The following KCNIP4 variants were observed in gnomAD, a reference collection of about 807,000 sequenced individuals.
KCNIP4 encodes the protein Kv channel-interacting protein 4.
A neutral mutation model predicts 34.0 loss-of-function variants in KCNIP4; 12 were observed. That is an observed-to-expected ratio of 0.35 (90% confidence interval 0.23 to 0.57). KCNIP4 has a LOEUF of 0.57. KCNIP4 is among the 20% of genes least tolerant of loss of function. The pLI is 0.83. For synonymous variants in KCNIP4, 124 were observed against 102.2 expected (o/e 1.21, Z -1.29); for missense variants, 238 against 311.7 (o/e 0.76, Z 1.78).
chr4:20,832,058 CT>C lies in KCNIP4; in HGVS notation c.288+18484del, dbSNP rs71655605. On this transcript the variant is annotated intron_variant, in intron 3 of 8. Coordinates refer to ENST00000382152, the MANE Select transcript of KCNIP4 (RefSeq NM_025221.6). ...TTTACTTATTTCAAATAGTTTGTTA[CT>C]TTTTTTTTCATGAAGAGCTCCATAT... is the stretch of plus-strand genomic sequence containing the variant. Among the ~76,000 whole-genome samples the C allele has an allele frequency of 1.3e-4, 19 of 151,480 alleles. No homozygotes were observed. The East Asian group carries it at 3.1e-3, about 25-fold the overall frequency.
intron 1 of KCNIP4, among the ~76,000 whole-genome samples, chr4:21,242,526 A>G (rs1475466791): frequency 1.3e-5 from 2 of 152,172 alleles, no homozygotes; most frequent in Admixed American, 6.5e-5. Flanking sequence ...TGAGATTAGC[A>G]TTGGATCAGT....
chr4:20,997,689 T>A (rs536059488), intron 1 of KCNIP4, among the ~76,000 whole-genome samples: 1 of 152,256 alleles, frequency 6.6e-6, no homozygotes, highest in Admixed American at 6.5e-5. Flanking sequence ...TCTACCCAAC[T>A]CCCAGTCTTC....
intron 1 of KCNIP4, among the ~76,000 whole-genome samples, chr4:21,254,199 T>C (rs1760907872): frequency 6.6e-6 from 1 of 152,208 alleles, no homozygotes; most frequent in African/African-American, 2.4e-5. Flanking sequence ...TTTCCAGGTG[T>C]TTACAAAGCA....
chr4:20,789,445 G>A (rs376297347), intron 3 of KCNIP4, among the ~76,000 whole-genome samples: 1 of 152,068 alleles, frequency 6.6e-6, no homozygotes, highest in African/African-American at 2.4e-5. Context: ...TAGAAAAACA[G>A]CTTTATGACT....
intron 1 of KCNIP4, among the ~76,000 whole-genome samples, chr4:21,023,890 C>T (rs540009856): frequency 6.6e-6 from 1 of 151,548 alleles, no homozygotes; most frequent in Non-Finnish European, 1.5e-5. Context: ...TGAAAAAAAA[C>T]GAAAAAAGAA....
chr4:21,093,882 A>G (rs541847604), intron 1 of KCNIP4, among the ~76,000 whole-genome samples: 7 of 152,258 alleles, frequency 4.6e-5, no homozygotes, highest in East Asian at 1.9e-4. Context: ...GGAGATCGAG[A>G]CCATCCTGAC....
At chr4:21,101,795 T>C (rs558452926) in intron 1 of KCNIP4, among the ~76,000 whole-genome samples, 1 of 152,322 alleles carries the variant, frequency 6.6e-6, no homozygotes, top group Admixed American at 6.5e-5. Context: ...ACTATGTTTA[T>C]TGAAAACCTA....
intron 5 of KCNIP4, among the ~76,000 whole-genome samples, chr4:20,744,270 A>G (rs1028152734): frequency 6.6e-6 from 1 of 152,234 alleles, no homozygotes; most frequent in Non-Finnish European, 1.5e-5. Context: ...TATACACCCA[A>G]AGGATTATAA....
intron 1 of KCNIP4, among the ~76,000 whole-genome samples, chr4:21,084,797 T>C (rs2109027704): frequency 6.6e-6 from 1 of 151,306 alleles, no homozygotes; most frequent in African/African-American, 2.4e-5. Flanking sequence ...TACATAATCA[T>C]CTCCTGTAAT....
At chr4:21,433,615 T>C (rs913881159) in intron 1 of KCNIP4, among the ~76,000 whole-genome samples, 2 of 152,210 alleles carry the variant, frequency 1.3e-5, no homozygotes, top group Admixed American at 6.5e-5. Flanking sequence ...CTCAGCATTA[T>C]TGTGGCTATA....
rs144858670 is a variant in KCNIP4 at position 21,881,057 on chromosome 4, T to C, written c.61+67514A>G. Reference sequence around the variant, plus strand: ...AGCTGTAATTGTTGTTGGAGTATAGTTCATTTTTAAATCCTTACAGTGAAT... The same window carrying C: ...AGCTGTAATTGTTGTTGGAGTATAGCTCATTTTTAAATCCTTACAGTGAAT... On this transcript the variant is annotated intron_variant, in intron 1 of 8. Transcript: ENST00000382152. Among the ~76,000 whole-genome samples the C allele has an allele frequency of 8.1e-3, 1,241 of 152,292 alleles. 7 individuals are homozygous for C. Among genetic ancestry groups the C allele is most frequent in the Middle Eastern group, 0.017 (5 of 294 alleles).
At chr4:21,562,142 A>T (rs1417006111) in intron 1 of KCNIP4, among the ~76,000 whole-genome samples, 2 of 151,920 alleles carry the variant, frequency 1.3e-5, no homozygotes, top group African/African-American at 4.8e-5. Flanking sequence ...TAGACATTCT[A>T]GTAACTAGCT....
chr4:21,211,848 G>C (rs73247401), intron 1 of KCNIP4, among the ~76,000 whole-genome samples: 8,568 of 151,742 alleles, frequency 0.056, 341 homozygotes, highest in East Asian at 0.15. Context: ...AAATAGTAGA[G>C]TCAGCTGCAT....
chr4:20,881,078 A>C (rs1393952722), intron 2 of KCNIP4, among the ~76,000 whole-genome samples: 1 of 152,194 alleles, frequency 6.6e-6, no homozygotes, highest in Non-Finnish European at 1.5e-5. Flanking sequence ...TTTGGTTTTT[A>C]ATCTGTTTTA....
intron 1 of KCNIP4, among the ~76,000 whole-genome samples, chr4:21,441,744 T>C (rs1577365076): frequency 6.6e-6 from 1 of 152,304 alleles, no homozygotes; most frequent in East Asian, 1.9e-4. Flanking sequence ...TCAGATATAC[T>C]AAGCAGGATT....
At chr4:21,889,041 T>C (rs1354814767) in intron 1 of KCNIP4, among the ~76,000 whole-genome samples, 1 of 152,172 alleles carries the variant, frequency 6.6e-6, no homozygotes, top group Non-Finnish European at 1.5e-5. Flanking sequence ...ATTAATGGCA[T>C]GTCATATTTT....
intron 1 of KCNIP4, among the ~76,000 whole-genome samples, chr4:21,780,142 C>T (rs935345151): frequency 2.0e-5 from 3 of 151,836 alleles, no homozygotes; most frequent in Admixed American, 6.6e-5. Context: ...AGTTTTATAA[C>T]AGTATGAACA....
chr4:21,691,002 C>T (rs925893569), intron 1 of KCNIP4, among the ~76,000 whole-genome samples: 10 of 152,112 alleles, frequency 6.6e-5, no homozygotes, highest in African/African-American at 2.4e-4. Flanking sequence ...TGATAGGAAC[C>T]TCTGCATGAC....
chr4:20,973,477 T>C (rs1735173291), intron 1 of KCNIP4, among the ~76,000 whole-genome samples: 1 of 152,204 alleles, frequency 6.6e-6, no homozygotes, highest in Non-Finnish European at 1.5e-5. Flanking sequence ...TCCCTAAAAC[T>C]TTCTCCATAT....
Sources: allele counts gnomAD v4.1 joint callset (sites outside exome capture counted in the v4.1 genomes callset), GRCh38; gene constraint gnomAD v4.1.1; transcripts MANE v1.5; gene names NCBI Gene and HGNC (gene_info 2026-07-23, HGNC 2026-07-21).